The following DACH2 variants were observed in gnomAD, a reference collection of about 807,000 sequenced individuals.
DACH2 encodes dachshund homolog 2.
Under a neutral mutation model 35.8 loss-of-function variants are expected in DACH2, and 17 were observed. That is an observed-to-expected ratio of 0.48 (90% CI 0.33 to 0.71). The LOEUF (loss-of-function observed/expected upper bound fraction) is 0.71, where lower values mean the gene tolerates loss of function less well. Ranked by LOEUF, DACH2 falls within the 30% of genes least tolerant of loss-of-function variation. The pLI, the probability that DACH2 is intolerant of heterozygous loss-of-function variation, is 0.02. For synonymous variants in DACH2, 195 were observed against 177.3 expected (o/e 1.10, Z -0.79); for missense variants, 469 against 472.7 (o/e 0.99, Z 0.07).
chrX:86,739,966 C>T, intron 7 of DACH2, 84 bp downstream of exon 7: 2 of 951,136 alleles, frequency 2.1e-6, no homozygotes, highest in Non-Finnish European at 2.8e-6. Flanking sequence ...GAGGGAAAAG[C>T]TGGGGAAGCT....
chrX:86,701,998 A>G (rs1309540583), intron 5 of DACH2, among the ~76,000 whole-genome samples: 1 of 111,771 alleles, frequency 8.9e-6, no homozygotes, highest in Admixed American at 9.6e-5. Context: ...AAATCTACAC[A>G]TATACACCTG....
chrX:86,210,456 A>C (rs1170062231), intron 1 of DACH2, among the ~76,000 whole-genome samples: 1 of 111,722 alleles, frequency 9.0e-6, no homozygotes, highest in African/African-American at 3.2e-5. Context: ...TTTAATTTTT[A>C]AAAAAATCTC....
intron 3 of DACH2, among the ~76,000 whole-genome samples, chrX:86,546,601 G>A (rs2038978176): frequency 1.0e-5 from 1 of 98,848 alleles, no homozygotes; most frequent in Non-Finnish European, 2.0e-5. Context: ...TGCAACCTCT[G>A]CGTCCCGGGT....
At chrX:86,274,912 A>G (rs895693673) in intron 1 of DACH2, among the ~76,000 whole-genome samples, 1 of 112,023 alleles carries the variant, frequency 8.9e-6, no homozygotes, top group African/African-American at 3.2e-5. Flanking sequence ...GACAACAAAA[A>G]AGATCACGAT....
intron 6 of DACH2, among the ~76,000 whole-genome samples, chrX:86,739,355 TCTC>T (rs199999243): frequency 0.066 from 7,291 of 111,241 alleles, 256 homozygotes; most frequent in Non-Finnish European, 0.1. Context: ...ATTTGGGAGT[TCTC>T]CTTCTTAATG....
chrX:86,765,681 T>C (rs1420824928), intron 7 of DACH2, among the ~76,000 whole-genome samples: 1 of 103,515 alleles, frequency 9.7e-6, no homozygotes, highest in African/African-American at 3.5e-5. Context: ...TCTGGTTTTT[T>C]TTGTTGTTGT....
At chrX:86,333,312 T>C (rs2035244953) in intron 1 of DACH2, among the ~76,000 whole-genome samples, 1 of 112,031 alleles carries the variant, frequency 8.9e-6, no homozygotes, top group Non-Finnish European at 1.9e-5. Context: ...AAGGTGAGCC[T>C]ATTGTTTAAT....
In DACH2 at chrX:86,813,121, C is replaced by T; in HGVS notation, c.1390-9C>T. 8.3e-7 allele frequency: 1 copy of T among 1,203,134 alleles called. No individual in the cohort carries two copies. The highest frequency in any genetic ancestry group is 1.1e-6 in the Non-Finnish European group (1 of 892,066). ...GATGAACTGCATGTCATTTCCTGTA[C>T]CTTGACAGGGTCTGCTGAAAGTTGC... is the stretch of plus-strand genomic sequence containing the variant. On this transcript the variant is annotated splice_polypyrimidine_tract_variant and intron_variant, in intron 8 of 11. Transcript: ENST00000373125.
rs142584195 is a variant in DACH2 at position 86,731,124 on chromosome X, G to A, written c.1105-8623G>A. Among the ~76,000 whole-genome samples, 444 of 111,113 alleles carry A rather than the reference G, an allele frequency of 4.0e-3. 1 individual carries two copies. The highest frequency in any genetic ancestry group is 0.028 in the Middle Eastern group (6 of 217). On this transcript the variant is annotated intron_variant, in intron 6 of 11. Coordinates refer to ENST00000373125, the MANE Select transcript of DACH2 (RefSeq NM_053281.3). ...AGAAAAATCTCTGATTTCTATAATG[G>A]ACTTATATATTTACTGTTTTCGATT...
intron 6 of DACH2, among the ~76,000 whole-genome samples, chrX:86,717,275 T>C (rs753288843): frequency 5.8e-4 from 64 of 111,177 alleles, no homozygotes; most frequent in Non-Finnish European, 9.8e-4. Context: ...TTCCACACTT[T>C]ACACTCCTGT....
chrX:86,521,458 G>A, intron 3 of DACH2, among the ~76,000 whole-genome samples: 1 of 111,508 alleles, frequency 9.0e-6, no homozygotes, highest in Non-Finnish European at 1.9e-5. Flanking sequence ...AGCAAGTTTG[G>A]GGAAGTCTTC....
chrX:86,221,242 T>G (rs1183927179), intron 1 of DACH2, among the ~76,000 whole-genome samples: 5 of 111,964 alleles, frequency 4.5e-5, no homozygotes, highest in Non-Finnish European at 9.4e-5. Context: ...TTGTGTATGA[T>G]GTAAGATAAG....
intron 2 of DACH2, among the ~76,000 whole-genome samples, chrX:86,388,645 A>T (rs181780043): frequency 5.4e-4 from 60 of 112,061 alleles, no homozygotes; most frequent in African/African-American, 1.9e-3. Context: ...AAATATTTCA[A>T]TCAAATTCTA....
intron 2 of DACH2, among the ~76,000 whole-genome samples, 185 bp downstream of exon 2, chrX:86,377,047 T>C (rs878872522): frequency 2.7e-5 from 3 of 110,856 alleles, no homozygotes; most frequent in Non-Finnish European, 5.7e-5. Flanking sequence ...TTAGAAAAAA[T>C]GAAATCCAAA....
At chrX:86,586,838 T>G (rs1396361175) in intron 3 of DACH2, among the ~76,000 whole-genome samples, 1 of 111,940 alleles carries the variant, frequency 8.9e-6, no homozygotes, top group Non-Finnish European at 1.9e-5. Flanking sequence ...TAGTACAGTT[T>G]GAAGGCAGTT....
At chrX:86,442,355 TTGTGTGTG>T (rs780963312) in intron 2 of DACH2, among the ~76,000 whole-genome samples, 3 of 71,317 alleles carry the variant, frequency 4.2e-5, no homozygotes, top group South Asian at 9.1e-4. Flanking sequence ...AAGTAGTATT[TTGTGTGTG>T]TGTGTGTGTG....
In DACH2 at chrX:86,496,408, G is replaced by A. The variant is rs191691348; in HGVS notation, c.528-17871G>A. ...ACTCTGACATTTATTCAATAGTGTAGGTATAGAATTCTAGATTCTCTAATC... is the reference window on the plus strand; with the variant it reads ...ACTCTGACATTTATTCAATAGTGTAAGTATAGAATTCTAGATTCTCTAATC... On this transcript the variant is annotated intron_variant, in intron 2 of 11. Transcript: ENST00000373125. Among the ~76,000 whole-genome samples the A allele has an allele frequency of 6.3e-5, 7 of 110,832 alleles. No individual in the cohort carries two copies. In the East Asian group the frequency reaches 2.0e-3, roughly 32 times the overall value.
At chrX:86,254,864 A>T (rs2033487204) in intron 1 of DACH2, among the ~76,000 whole-genome samples, 1 of 98,211 alleles carries the variant, frequency 1.0e-5, no homozygotes, top group Non-Finnish European at 2.0e-5. Context: ...AAATTGCAGA[A>T]AGTACATTTT....
At chrX:86,703,895 C>T (rs1036996735) in intron 5 of DACH2, among the ~76,000 whole-genome samples, 1 of 111,677 alleles carries the variant, frequency 9.0e-6, no homozygotes, top group Admixed American at 9.5e-5. Flanking sequence ...CCAAAGCCAT[C>T]TACAGACTTA....
Sources: gnomAD v4.1 joint callset for allele counts (sites outside exome capture counted in the v4.1 genomes callset) on GRCh38, gnomAD v4.1.1 for gene constraint, MANE v1.5 for transcripts, NCBI Gene and HGNC (gene_info 2026-07-23, HGNC 2026-07-21) for gene names.